DNAJC1: variants seen among roughly 807,000 people sequenced by gnomAD.
DNAJC1 encodes DnaJ heat shock protein family (Hsp40) member C1, also known as dnaJ homolog subfamily C member 1.
A neutral mutation model predicts 76.6 loss-of-function variants in DNAJC1; 58 were observed. The ratio of observed to expected loss-of-function variants is 0.76; its 90% CI spans 0.61 to 0.94. The LOEUF (loss-of-function observed/expected upper bound fraction) is 0.94, where lower values mean the gene tolerates loss of function less well. Ranked by LOEUF, DNAJC1 falls within the 40% of genes least tolerant of loss-of-function variation. The pLI is 0.00. For missense variants in DNAJC1, 689 were observed against 677.3 expected, an observed-to-expected ratio of 1.02 and a Z score of -0.19; for synonymous variants, 258 against 267.9, an observed-to-expected ratio of 0.96 and a Z score of 0.36.
chr10:21,893,863 G>A (rs981080887), intron 7 of DNAJC1, among the ~76,000 whole-genome samples: 1 of 151,798 alleles, frequency 6.6e-6, no homozygotes, highest in Non-Finnish European at 1.5e-5. Context: ...AAAAACCATA[G>A]AGAAAATCAA....
chr10:21,924,506 G>A (rs138662842), intron 3 of DNAJC1, among the ~76,000 whole-genome samples: 290 of 151,980 alleles, frequency 1.9e-3, no homozygotes, highest in Non-Finnish European at 3.0e-3. Flanking sequence ...TTACTAAAGC[G>A]CAATCTAGTA....
chr10:21,795,031 G>A (rs1314289082), intron 9 of DNAJC1, among the ~76,000 whole-genome samples: 1 of 151,570 alleles, frequency 6.6e-6, no homozygotes, highest in Non-Finnish European at 1.5e-5. Context: ...AAAAGTTTTG[G>A]AATTTTGAGC....
intron 7 of DNAJC1, among the ~76,000 whole-genome samples, chr10:21,884,199 G>C (rs1173315315): frequency 6.6e-6 from 1 of 152,148 alleles, no homozygotes; most frequent in Non-Finnish European, 1.5e-5. Context: ...ATAAACAGAA[G>C]ATTGCTATAA....
intron 6 of DNAJC1, among the ~76,000 whole-genome samples, chr10:21,904,921 G>A (rs1406872486): frequency 1.3e-5 from 2 of 152,008 alleles, no homozygotes; most frequent in Non-Finnish European, 2.9e-5. Flanking sequence ...CATATACAGA[G>A]AGCAGAAAAA....
At chr10:21,988,759 G>A (rs1032600652) in intron 1 of DNAJC1, among the ~76,000 whole-genome samples, 1 of 152,112 alleles carries the variant, frequency 6.6e-6, no homozygotes, top group Admixed American at 6.5e-5. Flanking sequence ...TCAGAGGTTT[G>A]TGAGTGAAAT....
rs559077399 is a variant in DNAJC1 at position 21,905,115 on chromosome 10, T to TA, written c.730-504dup. On this transcript the variant is annotated intron_variant, in intron 6 of 11. Transcript: ENST00000376980. ...GTGCCACTCCTCCTTTTACCACCCT[T>TA]AGAGACGAGTATAAAAACCATTACC... Among the ~76,000 whole-genome samples the TA allele has an allele frequency of 1.1e-4, 16 of 152,142 alleles. No homozygotes were observed. The East Asian group carries it at 3.1e-3, about 29-fold the overall frequency.
chr10:21,977,091 T>C (rs1421225859), intron 1 of DNAJC1, among the ~76,000 whole-genome samples: 1 of 152,104 alleles, frequency 6.6e-6, no homozygotes, highest in Non-Finnish European at 1.5e-5. Context: ...TGTACGTAGG[T>C]AGAGAACATG....
rs537721958 is a variant in DNAJC1 at position 21,863,694 on chromosome 10, T to C, written c.978+18588A>G. Among the ~76,000 whole-genome samples the C allele has an allele frequency of 3.9e-5, 6 of 152,204 alleles. No individual in the cohort carries two copies. The South Asian group carries it at 8.3e-4, about 21-fold the overall frequency. Reference sequence around the variant, plus strand: ...GGAATTCAAGTCTGGTTTAGGATTTTAAAATAAACCAGTAGAATTCACTAT... The same window carrying C: ...GGAATTCAAGTCTGGTTTAGGATTTCAAAATAAACCAGTAGAATTCACTAT... On this transcript the variant is annotated intron_variant, in intron 8 of 11. Transcript: ENST00000376980.
rs565687868 is a variant in DNAJC1 at position 21,779,230 on chromosome 10, C to T, written c.1099-12921G>A. Among the ~76,000 whole-genome samples, 42 of 152,320 alleles carry T rather than the reference C, an allele frequency of 2.8e-4. 1 individual carries two copies. Among genetic ancestry groups the T allele is most frequent in the African/African-American group, 9.9e-4 (41 of 41,560 alleles). The stretch of plus-strand genomic sequence containing the variant: ...TGCAGACTTAAATGTCCCTGTGTGA[C>T]AGCTTTGAAGAGAGTAGTGGTTCTC... On this transcript the variant is annotated intron_variant, in intron 9 of 11. Transcript: ENST00000376980.
chr10:21,964,230 T>C (rs973520068), intron 1 of DNAJC1, among the ~76,000 whole-genome samples: 7 of 152,340 alleles, frequency 4.6e-5, no homozygotes, highest in African/African-American at 1.7e-4. Flanking sequence ...ATTTTATTTT[T>C]TTTAGACAGG....
intron 8 of DNAJC1, among the ~76,000 whole-genome samples, chr10:21,872,501 T>C (rs1360634172): frequency 6.6e-6 from 1 of 152,156 alleles, no homozygotes; most frequent in Non-Finnish European, 1.5e-5. Flanking sequence ...CAAATAGAAA[T>C]TCTGGAGTTG....
intron 7 of DNAJC1, among the ~76,000 whole-genome samples, chr10:21,901,228 T>C (rs112276637): frequency 7.9e-5 from 12 of 152,320 alleles, no homozygotes; most frequent in East Asian, 1.9e-4. Flanking sequence ...TTTAAAATCA[T>C]AGAAGGTACA....
chr10:21,826,745 T>C (rs777034490), intron 8 of DNAJC1, among the ~76,000 whole-genome samples: 1 of 152,200 alleles, frequency 6.6e-6, no homozygotes, highest in Non-Finnish European at 1.5e-5. Flanking sequence ...CCACCACCAT[T>C]TGTGGAAAAG....
At chr10:21,920,644 T>C (rs112097141) in intron 4 of DNAJC1, 154 bp downstream of exon 4, 5 of 619,398 alleles carry the variant, frequency 8.1e-6, no homozygotes, top group African/African-American at 1.9e-5. Flanking sequence ...TGGGTTCTTC[T>C]TGACTTAGAA....
intron 8 of DNAJC1, among the ~76,000 whole-genome samples, chr10:21,817,017 G>C (rs532896155): frequency 1.3e-4 from 19 of 149,674 alleles, no homozygotes; most frequent in African/African-American, 4.6e-4. Context: ...AAAATTAGCC[G>C]GGCGTGGTGG....
chr10:21,913,295 G>A (rs1232663002), intron 6 of DNAJC1, among the ~76,000 whole-genome samples: 1 of 151,730 alleles, frequency 6.6e-6, no homozygotes, highest in Non-Finnish European at 1.5e-5. Flanking sequence ...AAACTTGAAT[G>A]GTGAATTCCT....
intron 1 of DNAJC1, 77 bp downstream of exon 1, chr10:22,003,136 G>T: frequency 7.2e-7 from 1 of 1,380,416 alleles, no homozygotes; most frequent in East Asian, 3.1e-5. Context: ...TACGTGTCCG[G>T]CTGTCTCTGA....
intron 1 of DNAJC1, among the ~76,000 whole-genome samples, chr10:21,973,620 T>C (rs920919094): frequency 6.6e-6 from 1 of 152,078 alleles, no homozygotes; most frequent in Non-Finnish European, 1.5e-5. Context: ...AAGTTAATCA[T>C]ATTGGGTAAA....
At chr10:21,835,520 A>C (rs965241473) in intron 8 of DNAJC1, among the ~76,000 whole-genome samples, 2 of 152,224 alleles carry the variant, frequency 1.3e-5, no homozygotes, top group Non-Finnish European at 1.5e-5. Context: ...CAGACGATCA[A>C]ACTACTCCGA....
Sources: allele counts gnomAD v4.1 joint callset (sites outside exome capture counted in the v4.1 genomes callset), GRCh38; gene constraint gnomAD v4.1.1; transcripts MANE v1.5; gene names NCBI Gene and HGNC (gene_info 2026-07-23, HGNC 2026-07-21).